PKHD1L1: variants seen among roughly 807,000 people sequenced by gnomAD.
The protein encoded by PKHD1L1 is fibrocystin-L.
A neutral mutation model predicts 462.9 loss-of-function variants in PKHD1L1; 434 were observed. That is an observed-to-expected ratio of 0.94 (90% confidence interval 0.87 to 1.02). PKHD1L1 has a LOEUF of 1.02. Ranked by LOEUF, PKHD1L1 falls within the 50% of genes least tolerant of loss-of-function variation. The pLI, the probability that PKHD1L1 is intolerant of heterozygous loss-of-function variation, is 0.00. For synonymous variants in PKHD1L1, 1,781 were observed against 1,750.0 expected (o/e 1.02, Z -0.44); for missense variants, 5,202 against 5,096.1 (o/e 1.02, Z -0.63).
chr8:109,451,275 T>C, intron 41 of PKHD1L1, 126 bp downstream of exon 41: 1 of 1,057,246 alleles, frequency 9.5e-7, no homozygotes. Context: ...GCTCGTAACT[T>C]AAGCTTAAGG....
At chr8:109,499,632 T>C (rs577568305) in intron 67 of PKHD1L1, among the ~76,000 whole-genome samples, 14 of 152,370 alleles carry the variant, frequency 9.2e-5, no homozygotes, top group African/African-American at 3.4e-4. Context: ...TTGAAATTTA[T>C]TGAAAGAACA....
chr8:109,364,549 G>A lies in PKHD1L1; in HGVS notation c.76G>A (p.Gly26Ser). ...TACTGTATTTTAATATTTTTCAGAT[G>A]GCTCTCAAATAATCCCCAAAGTCAC... ...LLCAADPSTD[G>S]SQIIPKVTEI... is the part of the protein sequence containing the mutation. The change falls in exon 2 of 78, where the codon GGC (glycine) becomes AGC (serine). Residue 26 changes from glycine to serine, a missense_variant and splice_region_variant. This residue lies in a region of PKHD1L1 where 4,497 missense variants were observed against 4,336.8 expected (regional missense o/e 1.04). Transcript: ENST00000378402. The A allele has an allele frequency of 6.3e-7, 1 of 1,579,388 alleles. No individual in the cohort carries two copies. Among genetic ancestry groups the A allele is most frequent in the Non-Finnish European group, 8.7e-7 (1 of 1,155,600 alleles).
intron 48 of PKHD1L1, among the ~76,000 whole-genome samples, chr8:109,463,493 A>G (rs1316138209): frequency 6.6e-6 from 1 of 152,158 alleles, no homozygotes; most frequent in Non-Finnish European, 1.5e-5. Context: ...CTTTAGATGG[A>G]CAACAAAAAT....
intron 21 of PKHD1L1, among the ~76,000 whole-genome samples, chr8:109,413,867 A>T (rs1346202563): frequency 6.6e-6 from 1 of 152,136 alleles, no homozygotes; most frequent in East Asian, 1.9e-4. Context: ...GTTCCTAGTT[A>T]TGCTGGAAGG....
At chr8:109,396,229 A>T (rs1812968379) in intron 11 of PKHD1L1, 92 bp downstream of exon 11, 3 of 898,248 alleles carry the variant, frequency 3.3e-6, no homozygotes, top group Non-Finnish European at 5.1e-6. Context: ...TCTTTTCTCA[A>T]CTCATGCCTT....
At position 109,452,661 on chromosome 8, in the gene PKHD1L1, G is replaced by A. The variant is rs1039683174; in HGVS notation, c.6508-57G>A. The A allele has an allele frequency of 1.5e-5, 18 of 1,222,638 alleles. No homozygotes were observed. In the Admixed American group the frequency reaches 2.4e-4, roughly 16 times the overall value. 75.7% of individuals were successfully genotyped at this position (1,222,638 alleles called of 1,614,324 possible). A position where few individuals can be genotyped will look rare whatever the true frequency, so the allele number is the denominator to read the frequency against. On this transcript the variant is annotated intron_variant, in intron 42 of 77. Transcript: ENST00000378402. ...GTAATAAAATGCTTTTTGAAAAATC[G>A]AATGAAAAACTCTGGTAAAATCCCT...
intron 2 of PKHD1L1, among the ~76,000 whole-genome samples, chr8:109,376,450 G>T (rs950272552): frequency 6.6e-6 from 1 of 152,034 alleles, no homozygotes; most frequent in African/African-American, 2.4e-5. Flanking sequence ...GTGCTTCCCG[G>T]GTGAGGTGAT....
chr8:109,518,344 A>T lies in PKHD1L1; in HGVS notation c.11867A>T (p.His3956Leu). 6.2e-7 allele frequency: 1 copy of T among 1,613,442 alleles called. No homozygotes were observed. Among genetic ancestry groups the T allele is most frequent in the Non-Finnish European group, 8.5e-7 (1 of 1,179,576 alleles). ...VATEDDFYTS[H>L]NLVKNLALFL... ...ACAGAAGATGACTTTTATACCTCTC[A>T]CAATCTGGTTAAAAATCTTGCCTTG... The change falls in exon 73 of 78, where the codon CAC becomes CTC. Residue 3956 changes from histidine to leucine, a missense_variant. Physicochemically the swap from His to Leu is moderately conservative, Grantham distance 99 (BLOSUM62 -3). Transcript: ENST00000378402.
rs1046309708 is a variant in PKHD1L1 at position 109,430,215 on chromosome 8, ATTAT to A, written c.3229+185_3229+188del. Among the ~76,000 whole-genome samples, 17 of 152,164 alleles carry A rather than the reference ATTAT, an allele frequency of 1.1e-4. 1 individual carries two copies. The highest frequency in any genetic ancestry group is 4.1e-4 in the South Asian group (2 of 4,828). On this transcript the variant is annotated intron_variant, in intron 27 of 77. Coordinates refer to ENST00000378402, the MANE Select transcript of PKHD1L1 (RefSeq NM_177531.6). ...GAAAAAAACTATGGAAAGGGCACTA[ATTAT>A]TTATTTTTGAAAAAAAAATATTTCT...
rs1303938059 is a variant in PKHD1L1 at position 109,532,969 on chromosome 8, G to A, written c.*2879G>A. ...CCTTTCCTTACAGCAATCCTATGAG[G>A]ATAACCTTATTCCCTTCTCCAAATG... On this transcript the variant is annotated 3_prime_UTR_variant, in exon 78 of 78. Transcript: ENST00000378402. Among the ~76,000 whole-genome samples, 1 of 152,192 alleles carries A rather than the reference G, an allele frequency of 6.6e-6. No individual in the cohort carries two copies. The highest frequency in any genetic ancestry group is 1.5e-5 in the Non-Finnish European group (1 of 68,034).
intron 4 of PKHD1L1, among the ~76,000 whole-genome samples, chr8:109,383,537 C>G (rs1812282047): frequency 7.0e-6 from 1 of 142,880 alleles, no homozygotes; most frequent in East Asian, 2.0e-4. Context: ...TTTAAGTTGT[C>G]AATTACTGAG....
At chr8:109,395,528 AT>A (rs1563734392) in intron 10 of PKHD1L1, among the ~76,000 whole-genome samples, 1 of 152,206 alleles carries the variant, frequency 6.6e-6, no homozygotes, top group East Asian at 1.9e-4. Flanking sequence ...GTTAATAAGG[AT>A]AAATTTTAGT....
chr8:109,449,560 T>G (rs1816367715), intron 40 of PKHD1L1, 73 bp downstream of exon 40: 1 of 1,351,704 alleles, frequency 7.4e-7, no homozygotes, highest in Non-Finnish European at 9.8e-7. Flanking sequence ...AATTTCTTTT[T>G]TCAAGTTCTT....
rs73309323 is a variant in PKHD1L1 at position 109,457,833 on chromosome 8, T to A, written c.7004+1442T>A. Among the ~76,000 whole-genome samples the A allele has an allele frequency of 2.5e-3, 386 of 152,300 alleles. 2 individuals are homozygous for A. Among genetic ancestry groups the A allele is most frequent in the African/African-American group, 8.2e-3 (343 of 41,578 alleles). ...CACAACTTCTTTTCTAAAGAAATCATTGTATCATCCGAATCCAGGAAAATT... is the reference window on the plus strand; with the variant it reads ...CACAACTTCTTTTCTAAAGAAATCAATGTATCATCCGAATCCAGGAAAATT... On this transcript the variant is annotated intron_variant, in intron 46 of 77. Coordinates refer to ENST00000378402, the MANE Select transcript of PKHD1L1 (RefSeq NM_177531.6).
intron 4 of PKHD1L1, 46 bp downstream of exon 4, chr8:109,382,617 T>C: frequency 6.7e-7 from 1 of 1,496,378 alleles, no homozygotes; most frequent in Non-Finnish European, 9.1e-7. Context: ...TGATCTTGCT[T>C]TCTTTCCTGC....
rs866836211 is a variant in PKHD1L1, at chr8:109,486,689, T to C, written c.9748T>C (p.Leu3250=). The C allele has an allele frequency of 8.7e-6, 14 of 1,612,262 alleles. No homozygotes were observed. The Middle Eastern group carries it at 4.9e-4, about 57-fold the overall frequency. Reference sequence around the variant, plus strand: ...CCCTGGAACTGGTGAGAGCTACACGTTAGCAGCTGATGTTGGGATACTGAG... The same window carrying C: ...CCCTGGAACTGGTGAGAGCTACACGCTAGCAGCTGATGTTGGGATACTGAG... ...HVPGTGESYT[L]AADVGILSRN... Residue 3250 remains leucine, a synonymous_variant, in exon 59 of 78, where the codon TTA becomes CTA. Coordinates refer to ENST00000378402, the MANE Select transcript of PKHD1L1 (RefSeq NM_177531.6).
intron 9 of PKHD1L1, among the ~76,000 whole-genome samples, chr8:109,393,973 A>G (rs1241421701): frequency 1.3e-5 from 2 of 152,038 alleles, no homozygotes; most frequent in Admixed American, 1.3e-4. Context: ...AGGGATCGAG[A>G]CCATCCTGGC....
chr8:109,459,749 A>T lies in PKHD1L1; in HGVS notation c.7159A>T (p.Ile2387Phe). The T allele has an allele frequency of 1.9e-6, 3 of 1,611,904 alleles. No individual in the cohort carries two copies. The highest frequency in any genetic ancestry group is 2.2e-5 in the East Asian group (1 of 44,746). The change falls in exon 47 of 78, where the codon ATT becomes TTT. Residue 2387 changes from isoleucine (I) to phenylalanine (F), a missense_variant. Coordinates refer to ENST00000378402, the MANE Select transcript of PKHD1L1 (RefSeq NM_177531.6). ...GTTTGAAGCAAGAGCAGAAGTTGGA[A>T]TTCTTACAAGAAATATTTTAATAAG... ...TLFEARAEVGILTRNILIRGS... is the reference protein window; with the variant it reads ...TLFEARAEVGFLTRNILIRGS...
Position 109,365,096 on chromosome 8 carries a change from A to G in PKHD1L1, c.163+460A>G, listed in dbSNP as rs550585564. On this transcript the variant is annotated intron_variant, in intron 2 of 77. Transcript: ENST00000378402. ...ATTCCTTCTCCTGCCACCCAACCTC[A>G]GGCTTCATAAAGGCATGAGTACCGT... 2.6e-5 allele frequency among the ~76,000 whole-genome samples: 4 copies of G among 152,358 alleles called. No individual in the cohort carries two copies. In the East Asian group the frequency reaches 7.7e-4, roughly 29 times the overall value.
Sources: allele counts gnomAD v4.1 joint callset (sites outside exome capture counted in the v4.1 genomes callset), GRCh38; gene constraint gnomAD v4.1.1; regional missense constraint gnomAD v4.1.1; transcripts MANE v1.5; gene names NCBI Gene and HGNC (gene_info 2026-07-23, HGNC 2026-07-21).